Variants in CAST observed in about 807,000 individuals in gnomAD.
CAST encodes calpastatin, also known as MIR583 host.
A neutral mutation model predicts 119.6 loss-of-function variants in CAST; 76 were observed. The ratio of observed to expected loss-of-function variants is 0.64; its 90% confidence interval spans 0.53 to 0.77. The LOEUF (loss-of-function observed/expected upper bound fraction) is 0.77, where lower values mean the gene tolerates loss of function less well. CAST is among the 30% of genes least tolerant of loss of function. The pLI is 0.00. For synonymous variants in CAST, 319 were observed against 331.6 expected, an observed-to-expected ratio of 0.96 and a Z score of 0.41; for missense variants, 953 against 946.5, an observed-to-expected ratio of 1.01 and a Z score of -0.09.
At chr5:96,325,311 G>A in the CAST span, among the ~76,000 whole-genome samples, 1 of 152,008 alleles carries the variant, frequency 6.6e-6, no homozygotes, top group Non-Finnish European at 1.5e-5. Flanking sequence ...TTATTTGCAG[G>A]CATATAAATA....
chr5:96,571,952 A>T (rs1021101718), intron 1 of CAST, among the ~76,000 whole-genome samples: 1 of 152,246 alleles, frequency 6.6e-6, no homozygotes. Flanking sequence ...GTGAATAAAT[A>T]AATTGTCCAA....
the CAST span, among the ~76,000 whole-genome samples, chr5:96,031,269 CT>C: frequency 6.7e-6 from 1 of 149,076 alleles, no homozygotes; most frequent in Non-Finnish European, 1.5e-5. Flanking sequence ...GTCTATCTAC[CT>C]TGGATAGAGG....
chr5:96,477,792 G>A, the CAST span, among the ~76,000 whole-genome samples: 4 of 152,182 alleles, frequency 2.6e-5, no homozygotes, highest in African/African-American at 9.7e-5. Flanking sequence ...GTTCTAAAAA[G>A]AGGATCAAGG....
the CAST span, among the ~76,000 whole-genome samples, chr5:96,142,271 G>A: frequency 2.4e-4 from 36 of 152,136 alleles, no homozygotes; most frequent in Non-Finnish European, 4.3e-4. Context: ...AATTAGTCAA[G>A]CATGGTGGCG....
At chr5:95,977,436 C>T in the CAST span, among the ~76,000 whole-genome samples, 2 of 152,264 alleles carry the variant, frequency 1.3e-5, no homozygotes, top group South Asian at 2.1e-4. Context: ...TAAGTTGTGC[C>T]GCATGTATTT....
the CAST span, among the ~76,000 whole-genome samples, chr5:96,347,282 C>T: frequency 1.2e-4 from 19 of 152,176 alleles, no homozygotes; most frequent in African/African-American, 4.3e-4. Context: ...TTGCCCATTC[C>T]TATGGGTCCA....
chr5:96,536,161 T>C (rs1258888465), intron 1 of CAST, among the ~76,000 whole-genome samples: 2 of 150,026 alleles, frequency 1.3e-5, no homozygotes, highest in Admixed American at 1.3e-4. Flanking sequence ...AGTTCAAGAC[T>C]AGCCTGCCCA....
chr5:96,051,779 C>A, the CAST span, among the ~76,000 whole-genome samples: 1 of 152,058 alleles, frequency 6.6e-6, no homozygotes, highest in African/African-American at 2.4e-5. Context: ...TAGTCCCAAA[C>A]CGGAAACAAA....
the CAST span, among the ~76,000 whole-genome samples, chr5:96,133,007 A>AAG: frequency 2.6e-5 from 4 of 152,308 alleles, no homozygotes; most frequent in African/African-American, 9.6e-5. Flanking sequence ...GATGACAGGC[A>AAG]AGAGTCAGGC....
At chr5:95,963,141 T>TA in the CAST span, among the ~76,000 whole-genome samples, 7 of 152,342 alleles carry the variant, frequency 4.6e-5, no homozygotes, top group South Asian at 2.1e-4. Flanking sequence ...GTTCTTTTAA[T>TA]AAAAAAACTG....
chr5:96,205,452 T>G, the CAST span, among the ~76,000 whole-genome samples: 1 of 152,028 alleles, frequency 6.6e-6, no homozygotes, highest in Non-Finnish European at 1.5e-5. Context: ...GGCAGTTTTT[T>G]GATCCTCACC....
At chr5:96,285,225 T>C in the CAST span, among the ~76,000 whole-genome samples, 1 of 152,192 alleles carries the variant, frequency 6.6e-6, no homozygotes, top group Non-Finnish European at 1.5e-5. Context: ...AGTTCCTGCT[T>C]TTATGGAGTT....
At chr5:95,963,725 C>CTTTTTTTTTTTTTTTTTTTTTTT in the CAST span, among the ~76,000 whole-genome samples, 2 of 129,988 alleles carry the variant, frequency 1.5e-5, no homozygotes, top group African/African-American at 3.0e-5. Context: ...TTCTCTCTCT[C>CTTTTTTTTTTTTTTTTTTTTTTT]TTTTTTTTTT....
chr5:96,109,180 G>A, the CAST span, among the ~76,000 whole-genome samples: 247 of 152,292 alleles, frequency 1.6e-3, 1 homozygote, highest in Middle Eastern at 6.8e-3. Context: ...GAAATCACCC[G>A]TCTTCTGTGT....
the CAST span, among the ~76,000 whole-genome samples, chr5:96,373,611 C>T: frequency 3.3e-5 from 5 of 152,162 alleles, no homozygotes; most frequent in Non-Finnish European, 7.3e-5. Flanking sequence ...AGCAGCTATC[C>T]CTTCAAAGAC....
At chr5:96,251,521 CTA>C in the CAST span, among the ~76,000 whole-genome samples, 1 of 152,010 alleles carries the variant, frequency 6.6e-6, no homozygotes. Flanking sequence ...TTAGGAATAA[CTA>C]TAAGTAAAAC....
intron 1 of CAST, among the ~76,000 whole-genome samples, chr5:96,558,214 A>C (rs1442678186): frequency 1.3e-5 from 2 of 152,208 alleles, no homozygotes; most frequent in East Asian, 3.8e-4. Flanking sequence ...CAATGTGTAG[A>C]GGGAAATTTA....
chr5:96,754,001 A>C (rs1331721049), intron 20 of CAST, 59 bp from the exon 21 acceptor site: 6 of 935,188 alleles, frequency 6.4e-6, no homozygotes, highest in Non-Finnish European at 1.1e-5. Flanking sequence ...AATTGATAGC[A>C]TATGTTTTAA....
chr5:96,634,052 C>G (rs923435786), intron 1 of CAST, among the ~76,000 whole-genome samples: 17 of 152,110 alleles, frequency 1.1e-4, no homozygotes, highest in Admixed American at 2.0e-4. Context: ...TCAGTCTAGC[C>G]TAGTATAAAT....
Sources: allele counts gnomAD v4.1 joint callset (sites outside exome capture counted in the v4.1 genomes callset), GRCh38; gene constraint gnomAD v4.1.1; transcripts MANE v1.5; gene names NCBI Gene and HGNC (gene_info 2026-07-23, HGNC 2026-07-21).